LHX5: variants seen among roughly 807,000 people sequenced by gnomAD.
The protein encoded by LHX5 is LIM/homeobox protein Lhx5.
In LHX5, 5 loss-of-function variants were observed where a neutral mutation model predicts 30.6. The ratio of observed to expected loss-of-function variants is 0.16; its 90% CI spans 0.09 to 0.34. The LOEUF (loss-of-function observed/expected upper bound fraction) is 0.34. Among genes scored for constraint, LHX5 ranks in the 10% least tolerant of loss-of-function variants. The probability of loss-of-function intolerance (pLI) is 1.00; values close to 1 mark genes in which losing one functional copy is unlikely to be tolerated. For missense variants in LHX5, 458 were observed against 570.6 expected (o/e 0.80, Z 2.01); for synonymous variants, 266 against 252.6 (o/e 1.05, Z -0.50).
Position 113,464,924 on chromosome 12 carries a change from G to T in LHX5, c.842-1367C>A, listed in dbSNP as rs1958203358. On this transcript the variant is annotated intron_variant, in intron 4 of 4. Coordinates refer to ENST00000261731, the MANE Select transcript of LHX5 (RefSeq NM_022363.3). This position sits in a 1 kb window ranked among gnomAD's most constrained non-coding sequence, Gnocchi z 6.2. Reference sequence around the variant, plus strand: ...GGGATATCCTGCCTTCCCCCACCAGGTGGGGCCCTGAAGGACTGACGTGGG... The same window carrying T: ...GGGATATCCTGCCTTCCCCCACCAGTTGGGGCCCTGAAGGACTGACGTGGG... Among the ~76,000 whole-genome samples, 1 of 152,106 alleles carries T rather than the reference G, an allele frequency of 6.6e-6. No individual in the cohort carries two copies. The highest frequency in any genetic ancestry group is 1.5e-5 in the Non-Finnish European group (1 of 68,024).
In LHX5 at chr12:113,463,144, G is replaced by C. The variant is rs1213874818; in HGVS notation, c.*46C>G. On this transcript the variant is annotated 3_prime_UTR_variant, in exon 5 of 5. Coordinates refer to ENST00000261731, the MANE Select transcript of LHX5 (RefSeq NM_022363.3). The surrounding 1 kb of genome is among the most constrained non-coding windows in gnomAD (Gnocchi z 6.7). ...CGTTTTGGTTTCAGGAGGCTGCTTC[G>C]GGGCGGGGCCCCCGGGGGCCGAGCG... The C allele has an allele frequency of 5.5e-6, 8 of 1,442,806 alleles. No individual in the cohort carries two copies. Among genetic ancestry groups the C allele is most frequent in the South Asian group, 1.4e-5 (1 of 72,372 alleles). The allele number at this position is 1,442,806 out of a possible 1,614,324, so 89.4% of individuals were successfully genotyped here. A position where few individuals can be genotyped will look rare whatever the true frequency, so the allele number is the denominator to read the frequency against.
chr12:113,471,226 G>T, intron 1 of LHX5, 100 bp downstream of exon 1: 1 of 1,257,204 alleles, frequency 8.0e-7, no homozygotes, highest in East Asian at 2.4e-5. Context: ...CTTGTGATCC[G>T]GGGAGGCTGG....
At chr12:113,469,403 C>T in intron 1 of LHX5, 58 bp from the exon 2 acceptor site, 1 of 1,512,182 alleles carries the variant, frequency 6.6e-7, no homozygotes, top group South Asian at 1.2e-5. Flanking sequence ...CCTCCCCAGC[C>T]CCTGACCTCT....
At chr12:113,470,821 G>A (rs973499840) in intron 1 of LHX5, among the ~76,000 whole-genome samples, 13 of 152,204 alleles carry the variant, frequency 8.5e-5, no homozygotes, top group African/African-American at 2.2e-4. Flanking sequence ...GAGGTGGGTG[G>A]GGGAGGTTCT....
chr12:113,463,478 C>T lies in LHX5; in HGVS notation c.921G>A (p.Pro307=). 6.4e-7 allele frequency: 1 copy of T among 1,566,440 alleles called. No individual in the cohort carries two copies. Among genetic ancestry groups the T allele is most frequent in the East Asian group, 2.4e-5 (1 of 42,512 alleles). The change falls in exon 5 of 5, where the codon CCG becomes CCA. Residue 307 remains proline (P), a synonymous_variant. Transcript: ENST00000261731. This position sits in a 1 kb window ranked among gnomAD's most constrained non-coding sequence, Gnocchi z 6.7. The part of the protein sequence containing the change: ...AHGPPSQAQS[P]ADSSFLAASG... Reference sequence around the variant, plus strand: ...AGGCCGCCAGGAAGCTGGAGTCGGCCGGGGACTGCGCCTGCGAAGGCGGGC... The same window carrying T: ...AGGCCGCCAGGAAGCTGGAGTCGGCTGGGGACTGCGCCTGCGAAGGCGGGC...
At chr12:113,469,749 T>A (rs1958236612) in intron 1 of LHX5, among the ~76,000 whole-genome samples, 5 of 152,236 alleles carry the variant, frequency 3.3e-5, no homozygotes, top group Admixed American at 3.3e-4. Context: ...GGCCACTTGG[T>A]GGCTCTGCCT....
At chr12:113,468,065 C>A (rs527792254) in intron 3 of LHX5, 62 bp downstream of exon 3, 9 of 1,456,744 alleles carry the variant, frequency 6.2e-6, no homozygotes, top group South Asian at 5.6e-5. Context: ...CGGGAGACTC[C>A]TCCGAGGCTC....
chr12:113,468,024 A>T, intron 3 of LHX5, 103 bp downstream of exon 3: 3 of 1,422,346 alleles, frequency 2.1e-6, no homozygotes, highest in Non-Finnish European at 1.8e-6. Context: ...CCAGACCAGA[A>T]CCAGGCGCGC....
Position 113,468,350 on chromosome 12 carries a change from T to C in LHX5, c.452A>G (p.Asp151Gly), listed in dbSNP as rs1252733655. The C allele has an allele frequency of 6.2e-7, 1 of 1,613,974 alleles. No homozygotes were observed. Among genetic ancestry groups the C allele is most frequent in the African/African-American group, 1.3e-5 (1 of 74,938 alleles). Reference protein sequence around the residue: ...LSPDLQDALQDDPKETDNSTS... With the variant: ...LSPDLQDALQGDPKETDNSTS... Reference sequence around the variant, plus strand: ...CGAGTTGTCCGTCTCTTTGGGGTCGTCCTGCAGTGCGTCCTGGAGGTCCGG... The same window carrying C: ...CGAGTTGTCCGTCTCTTTGGGGTCGCCCTGCAGTGCGTCCTGGAGGTCCGG... Residue 151 changes from aspartate to glycine, a missense_variant, in exon 3 of 5, where the codon GAC becomes GGC. Transcript: ENST00000261731.
rs1593326408 is a variant in LHX5 at position 113,463,445 on chromosome 12, G to T, written c.954C>A (p.Pro318=). The change falls in exon 5 of 5, where the codon CCC becomes CCA. Residue 318 remains proline, a synonymous_variant. Transcript: ENST00000261731. This position sits in a 1 kb window ranked among gnomAD's most constrained non-coding sequence, Gnocchi z 6.7. The part of the protein sequence containing the change: ...ADSSFLAASG[P]GSTPLGALEP... ...CCAGCGCTCCCAGCGGCGTCGAGCC[G>T]GGGCCAGAGGCCGCCAGGAAGCTGG... 6.4e-7 allele frequency: 1 copy of T among 1,555,796 alleles called. No homozygotes were observed. The highest frequency in any genetic ancestry group is 2.4e-5 in the East Asian group (1 of 41,706).
chr12:113,468,103 A>G (rs758678134), intron 3 of LHX5, 24 bp downstream of exon 3: 8 of 1,513,694 alleles, frequency 5.3e-6, no homozygotes, highest in Non-Finnish European at 7.1e-6. Flanking sequence ...GGGGCTAAGG[A>G]GCTGTGCCCG....
rs1266468184 is a variant in LHX5 at position 113,465,046 on chromosome 12, C to T, written c.842-1489G>A. On this transcript the variant is annotated intron_variant, in intron 4 of 4. Coordinates refer to ENST00000261731, the MANE Select transcript of LHX5 (RefSeq NM_022363.3). This position sits in a 1 kb window ranked among gnomAD's most constrained non-coding sequence, Gnocchi z 6.7. ...CCTGAGTCTCTTCTGCAAATCCACT[C>T]CCCCTGCTGAGTCCTGGGATCTCAG... Among the ~76,000 whole-genome samples the T allele has an allele frequency of 3.3e-5, 5 of 152,144 alleles. No individual in the cohort carries two copies. The highest frequency in any genetic ancestry group is 1.2e-4 in the African/African-American group (5 of 41,432).
intron 1 of LHX5, 76 bp downstream of exon 1, chr12:113,471,250 G>T (rs1249023633): frequency 2.1e-6 from 3 of 1,454,224 alleles, no homozygotes; most frequent in East Asian, 2.3e-5. Flanking sequence ...GGGGATGGGG[G>T]TATCCCCTTC....
rs564709033 is a variant in LHX5 at position 113,467,713 on chromosome 12, G to T, written c.676-292C>A. ...TCTATAAAGGCCTCCCTCCCGGCAC[G>T]GCTCTCGCCTCGGCCCCTCGGCTCC... On this transcript the variant is annotated intron_variant, in intron 3 of 4. Coordinates refer to ENST00000261731, the MANE Select transcript of LHX5 (RefSeq NM_022363.3). The surrounding 1 kb of genome is among the most constrained non-coding windows in gnomAD (Gnocchi z 6.3). Among the ~76,000 whole-genome samples the T allele has an allele frequency of 4.6e-5, 7 of 152,202 alleles. No homozygotes were observed. Among genetic ancestry groups the T allele is most frequent in the Non-Finnish European group, 8.8e-5 (6 of 68,028 alleles).
Position 113,464,546 on chromosome 12 carries a change from G to A in LHX5, c.842-989C>T, listed in dbSNP as rs931386421. On this transcript the variant is annotated intron_variant, in intron 4 of 4. Transcript: ENST00000261731. The surrounding 1 kb of genome is among the most constrained non-coding windows in gnomAD (Gnocchi z 6.2). ...AGACCATTTGTACCGGCCTAGCCTA[G>A]CCTGAGAAAGAGAAAACTGAGCTCC... Among the ~76,000 whole-genome samples the A allele has an allele frequency of 2.0e-4, 30 of 152,172 alleles. No homozygotes were observed. The highest frequency in any genetic ancestry group is 7.0e-4 in the African/African-American group (29 of 41,452).
chr12:113,467,317 C>G lies in LHX5; in HGVS notation c.780G>C (p.Pro260=). 6.4e-7 allele frequency: 1 copy of G among 1,570,536 alleles called. No individual in the cohort carries two copies. The highest frequency in any genetic ancestry group is 8.7e-7 in the Non-Finnish European group (1 of 1,154,520). The change falls in exon 4 of 5, where the codon CCG becomes CCC. Residue 260 remains proline, a synonymous_variant. Transcript: ENST00000261731. This position sits in a 1 kb window ranked among gnomAD's most constrained non-coding sequence, Gnocchi z 6.3. The part of the protein sequence containing the change: ...AFFRSPRRMR[P]LGGRLDESEM... ...CAGACTCGTCCAAGCGGCCGCCCAG[C>G]GGACGCATGCGCCGCGGACTCCGGA...
intron 1 of LHX5, among the ~76,000 whole-genome samples, chr12:113,469,772 C>T (rs924808056): frequency 1.3e-5 from 2 of 152,252 alleles, no homozygotes; most frequent in African/African-American, 4.8e-5. Flanking sequence ...TGGATCCTTT[C>T]TAGTCTGCTG....
Position 113,467,330 on chromosome 12 carries a change from C to T in LHX5, c.767G>A (p.Arg256Gln). Residue 256 changes from arginine to glutamine, a missense_variant, in exon 4 of 5, where the codon CGG becomes CAG. By Grantham distance (43) the Arg-to-Gln change is conservative. Coordinates refer to ENST00000261731, the MANE Select transcript of LHX5 (RefSeq NM_022363.3). This position sits in a 1 kb window ranked among gnomAD's most constrained non-coding sequence, Gnocchi z 6.3. The stretch of plus-strand genomic sequence containing the variant: ...GCGGCCGCCCAGCGGACGCATGCGC[C>T]GCGGACTCCGGAAGAAGGCGTGCCT... ...ARRHAFFRSPRRMRPLGGRLD... is the reference protein window; with the variant it reads ...ARRHAFFRSPQRMRPLGGRLD... The T allele has an allele frequency of 2.5e-6, 4 of 1,582,076 alleles. No homozygotes were observed. Among genetic ancestry groups the T allele is most frequent in the Non-Finnish European group, 3.4e-6 (4 of 1,161,182 alleles).
At position 113,466,001 on chromosome 12, in the gene LHX5, C is replaced by T. The variant is rs539535328; in HGVS notation, c.841+1255G>A. Among the ~76,000 whole-genome samples the T allele has an allele frequency of 6.6e-6, 1 of 152,284 alleles. No individual in the cohort carries two copies. Among genetic ancestry groups the T allele is most frequent in the South Asian group, 2.1e-4 (1 of 4,828 alleles). Reference sequence around the variant, plus strand: ...ATTTTGCCCACAATTTCTAGGGGCCCCGGTCCGGTCTCAAGGTCTAATCCC... The same window carrying T: ...ATTTTGCCCACAATTTCTAGGGGCCTCGGTCCGGTCTCAAGGTCTAATCCC... On this transcript the variant is annotated intron_variant, in intron 4 of 4. Coordinates refer to ENST00000261731, the MANE Select transcript of LHX5 (RefSeq NM_022363.3). The surrounding 1 kb of genome is among the most constrained non-coding windows in gnomAD (Gnocchi z 6.5).
Sources: allele counts gnomAD v4.1 joint callset (sites outside exome capture counted in the v4.1 genomes callset), GRCh38; gene constraint gnomAD v4.1.1; non-coding constraint Gnocchi (gnomAD v3.1); transcripts MANE v1.5; gene names NCBI Gene and HGNC (gene_info 2026-07-23, HGNC 2026-07-21).